The following VWA8 variants were observed in gnomAD, a reference collection of about 807,000 sequenced individuals.
The protein encoded by VWA8 is von Willebrand factor A domain-containing protein 8.
In VWA8, 221 loss-of-function variants were observed where a neutral mutation model predicts 241.5. The observed-to-expected ratio is 0.91, with a 90% CI of 0.82 to 1.02. The LOEUF (loss-of-function observed/expected upper bound fraction) is 1.02, where lower values mean the gene tolerates loss of function less well. Ranked by LOEUF, VWA8 falls within the 50% of genes least tolerant of loss-of-function variation. The probability of loss-of-function intolerance (pLI) is 0.00; values close to 1 mark genes in which losing one functional copy is unlikely to be tolerated. For missense variants in VWA8, 2,322 were observed against 2,328.7 expected (o/e 1.00, Z 0.06); for synonymous variants, 852 against 827.1 (o/e 1.03, Z -0.52).
intron 37 of VWA8, among the ~76,000 whole-genome samples, chr13:41,618,474 T>G (rs959106421): frequency 6.6e-5 from 10 of 152,208 alleles, no homozygotes; most frequent in African/African-American, 2.4e-4. Flanking sequence ...AGCTCTTTAG[T>G]TTATTTAGAT....
intron 3 of VWA8, among the ~76,000 whole-genome samples, chr13:41,909,369 G>GA (rs1875887003): frequency 6.6e-6 from 1 of 152,294 alleles, no homozygotes; most frequent in East Asian, 1.9e-4. Context: ...CTAAAAGGAG[G>GA]AAAAATTTTT....
chr13:41,938,995 C>A (rs538316658), intron 2 of VWA8, among the ~76,000 whole-genome samples: 4 of 152,112 alleles, frequency 2.6e-5, no homozygotes, highest in African/African-American at 9.7e-5. Flanking sequence ...GGAAAAAATT[C>A]TCTCCTCCTG....
chr13:41,934,423 T>A (rs1019709499), intron 2 of VWA8, among the ~76,000 whole-genome samples: 11 of 151,866 alleles, frequency 7.2e-5, no homozygotes, highest in Non-Finnish European at 1.5e-4. Context: ...TCTTAAAAAG[T>A]TAAACATCTA....
At chr13:41,572,342 G>A (rs868804466) in intron 43 of VWA8, among the ~76,000 whole-genome samples, 6 of 152,246 alleles carry the variant, frequency 3.9e-5, no homozygotes, top group Admixed American at 3.3e-4. Flanking sequence ...TGACGATGGC[G>A]GCTTTGTCGA....
intron 1 of VWA8, among the ~76,000 whole-genome samples, chr13:41,955,261 T>G (rs1053941848): frequency 3.3e-5 from 5 of 152,084 alleles, no homozygotes; most frequent in Non-Finnish European, 7.3e-5. Flanking sequence ...GAAGCAAATG[T>G]ATGCCTTTCT....
chr13:41,605,106 C>A, intron 40 of VWA8, 62 bp downstream of exon 40: 3 of 1,533,318 alleles, frequency 2.0e-6, no homozygotes, highest in Middle Eastern at 1.7e-4. Context: ...TTCTCCAAGA[C>A]TTTAGGAATG....
chr13:41,911,037 C>A (rs546780123), intron 3 of VWA8, among the ~76,000 whole-genome samples: 3 of 150,754 alleles, frequency 2.0e-5, no homozygotes, highest in Non-Finnish European at 4.4e-5. Flanking sequence ...GACAAAATAG[C>A]GGAAAACATT....
intron 37 of VWA8, among the ~76,000 whole-genome samples, chr13:41,666,752 T>C (rs1290257944): frequency 6.6e-6 from 1 of 152,008 alleles, no homozygotes; most frequent in Non-Finnish European, 1.5e-5. Context: ...ACTTCTCTAA[T>C]AGGAATAAAC....
chr13:41,764,839 C>T (rs1339207087), intron 20 of VWA8, among the ~76,000 whole-genome samples: 3 of 151,920 alleles, frequency 2.0e-5, no homozygotes, highest in Non-Finnish European at 4.4e-5. Flanking sequence ...CTCAAAGCAC[C>T]AAGAAGCCAC....
intron 21 of VWA8, among the ~76,000 whole-genome samples, chr13:41,744,725 C>T (rs1331110945): frequency 3.3e-5 from 5 of 152,132 alleles, no homozygotes; most frequent in Admixed American, 3.3e-4. Flanking sequence ...TAGAAAGGTC[C>T]AAAGAGAGGA....
At chr13:41,678,636 C>T (rs908111598) in intron 35 of VWA8, among the ~76,000 whole-genome samples, 1 of 152,210 alleles carries the variant, frequency 6.6e-6, no homozygotes, top group Non-Finnish European at 1.5e-5. Context: ...GCCATCAGCA[C>T]TTTTAGATTG....
chr13:41,695,887 A>G (rs1007944736), intron 29 of VWA8, among the ~76,000 whole-genome samples: 6 of 152,208 alleles, frequency 3.9e-5, no homozygotes, highest in Non-Finnish European at 7.3e-5. Flanking sequence ...CTTTTGAGGA[A>G]ATAAAACTCT....
chr13:41,910,652 G>A (rs146618562), intron 3 of VWA8, among the ~76,000 whole-genome samples: 3 of 151,460 alleles, frequency 2.0e-5, no homozygotes, highest in East Asian at 1.9e-4. Flanking sequence ...AGCTGACTTC[G>A]CATTCTTAGA....
chr13:41,903,531 G>C lies in VWA8; in HGVS notation c.483+4055C>G, dbSNP rs114355754. Among the ~76,000 whole-genome samples, 259 of 152,172 alleles carry C rather than the reference G, an allele frequency of 1.7e-3. 2 individuals carry two copies. Among genetic ancestry groups the C allele is most frequent in the African/African-American group, 5.7e-3 (238 of 41,522 alleles). On this transcript the variant is annotated intron_variant, in intron 4 of 44. Coordinates refer to ENST00000379310, the MANE Select transcript of VWA8 (RefSeq NM_015058.2). ...TGCGGCATGGTATATTTGGAAAGGG[G>C]GTAGGCATGGCCAGTGGCTACTTTA...
chr13:41,796,194 A>T (rs2137954634), intron 17 of VWA8, among the ~76,000 whole-genome samples: 1 of 152,216 alleles, frequency 6.6e-6, no homozygotes, highest in South Asian at 2.1e-4. Context: ...TATCTGCTTT[A>T]GGTGTCTAGG....
At chr13:41,723,965 C>T (rs764344910) in intron 24 of VWA8, among the ~76,000 whole-genome samples, 1 of 152,072 alleles carries the variant, frequency 6.6e-6, no homozygotes, top group South Asian at 2.1e-4. Flanking sequence ...CAAGCTCCAA[C>T]AAATAAGGCT....
intron 4 of VWA8, among the ~76,000 whole-genome samples, chr13:41,903,966 A>G (rs1375866765): frequency 6.6e-6 from 1 of 152,246 alleles, no homozygotes; most frequent in Non-Finnish European, 1.5e-5. Context: ...CGAAGGTATC[A>G]GTGGGATTAG....
intron 21 of VWA8, among the ~76,000 whole-genome samples, chr13:41,738,386 C>G (rs2045542139): frequency 1.3e-5 from 2 of 152,106 alleles, no homozygotes; most frequent in Non-Finnish European, 2.9e-5. Flanking sequence ...TTGCTGGGAA[C>G]TGCTGGTAGC....
At chr13:41,648,202 A>G (rs986974431) in intron 37 of VWA8, among the ~76,000 whole-genome samples, 5 of 152,170 alleles carry the variant, frequency 3.3e-5, no homozygotes, top group Admixed American at 6.5e-5. Context: ...GATCACTGGT[A>G]ATAATGATGA....
Sources: gnomAD v4.1 joint callset for allele counts (sites outside exome capture counted in the v4.1 genomes callset) on GRCh38, gnomAD v4.1.1 for gene constraint, MANE v1.5 for transcripts, NCBI Gene and HGNC (gene_info 2026-07-23, HGNC 2026-07-21) for gene names.